LTBP1: variants seen among roughly 807,000 people sequenced by gnomAD.
The protein encoded by LTBP1 is latent-transforming growth factor beta-binding protein 1.
LTBP1 carries 129 observed loss-of-function variants against 207.6 expected under a neutral mutation model. That is an observed-to-expected ratio of 0.62 (90% CI 0.54 to 0.72). The LOEUF is 0.72. Ranked by LOEUF, LTBP1 falls within the 30% of genes least tolerant of loss-of-function variation. The pLI, the probability that LTBP1 is intolerant of heterozygous loss-of-function variation, is 0.00. For synonymous variants in LTBP1, 963 were observed against 833.7 expected, an observed-to-expected ratio of 1.16 and a Z score of -2.67; for missense variants, 2,281 against 2,217.2, an observed-to-expected ratio of 1.03 and a Z score of -0.58.
At position 32,947,871 on chromosome 2, in the gene LTBP1, G is replaced by A. The variant is rs1021316223; in HGVS notation, c.494+53G>A. 8.7e-6 allele frequency: 11 copies of A among 1,267,404 alleles called. No homozygotes were observed. The African/African-American group carries it at 1.7e-4, about 20-fold the overall frequency. 78.5% of individuals were successfully genotyped at this position (1,267,404 alleles called of 1,614,324 possible). A position where few individuals can be genotyped will look rare whatever the true frequency, so the allele number is the denominator to read the frequency against. ...CGCCCGCCTCGCGCGCACCGCCCGC[G>A]GAGGGACCTGCGGGGTCAGGGCCAC... On this transcript the variant is annotated intron_variant, in intron 1 of 33. Transcript: ENST00000404816.
rs1367317784 is a variant in LTBP1, at chr2:33,110,485, T to A, written c.864-97T>A. On this transcript the variant is annotated intron_variant, in intron 3 of 33. Coordinates refer to ENST00000404816, the MANE Select transcript of LTBP1 (RefSeq NM_206943.4). ...AATGAGCCTTGCTTGGAATTGATGC[T>A]CCTTTCTACATTTAACTCGTTGCTT... The A allele has an allele frequency of 6.4e-6, 7 of 1,094,818 alleles. No individual in the cohort carries two copies. In the African/African-American group the frequency reaches 9.4e-5, roughly 15 times the overall value. The allele number at this position is 1,094,818 out of a possible 1,614,324, so 67.8% of individuals were successfully genotyped here.
chr2:33,206,983 C>G (rs1325728070), intron 7 of LTBP1, among the ~76,000 whole-genome samples: 2 of 152,112 alleles, frequency 1.3e-5, no homozygotes, highest in Non-Finnish European at 2.9e-5. Flanking sequence ...GAAAGGCTAA[C>G]AGGAATTATG....
chr2:33,293,695 G>A (rs2093818714), intron 20 of LTBP1, among the ~76,000 whole-genome samples: 2 of 152,038 alleles, frequency 1.3e-5, no homozygotes, highest in Admixed American at 6.5e-5. Flanking sequence ...AGAAAATTTA[G>A]CAAATAGAGA....
At chr2:33,376,051 TATTA>T (rs2095136375) in intron 31 of LTBP1, among the ~76,000 whole-genome samples, 1 of 152,222 alleles carries the variant, frequency 6.6e-6, no homozygotes, top group African/African-American at 2.4e-5. Context: ...ATATAAATTC[TATTA>T]ATTAAAATTT....
chr2:32,983,717 C>T (rs1683117443), intron 2 of LTBP1, among the ~76,000 whole-genome samples: 2 of 152,230 alleles, frequency 1.3e-5, no homozygotes, highest in Non-Finnish European at 2.9e-5. Context: ...CCTGCACACA[C>T]TCTCATGCCT....
At chr2:33,282,934 G>A (rs1429469703) in intron 19 of LTBP1, among the ~76,000 whole-genome samples, 1 of 151,902 alleles carries the variant, frequency 6.6e-6, no homozygotes, top group South Asian at 2.1e-4. Context: ...GTGGTGGCAC[G>A]CGCCTATAAT....
intron 19 of LTBP1, among the ~76,000 whole-genome samples, chr2:33,281,895 A>C (rs908510640): frequency 2.0e-5 from 3 of 152,128 alleles, no homozygotes; most frequent in African/African-American, 4.8e-5. Flanking sequence ...CCTGATAAAT[A>C]ATCCAGGAGC....
intron 5 of LTBP1, among the ~76,000 whole-genome samples, chr2:33,149,440 T>A (rs1016166740): frequency 2.0e-5 from 3 of 152,148 alleles, no homozygotes; most frequent in African/African-American, 7.2e-5. Flanking sequence ...ATCTCAAGAT[T>A]GTTCTGTAGA....
rs138279933 is a variant in LTBP1, at chr2:33,000,618, C to T, written c.566-20291C>T. On this transcript the variant is annotated intron_variant, in intron 2 of 33. Transcript: ENST00000404816. Reference sequence around the variant, plus strand: ...GTGTAAGGCGGTCTCCTGTGCAGCCCGCCGCCACTGGACTGTCTCCTGTCT... The same window carrying T: ...GTGTAAGGCGGTCTCCTGTGCAGCCTGCCGCCACTGGACTGTCTCCTGTCT... Among the ~76,000 whole-genome samples the T allele has an allele frequency of 1.4e-3, 189 of 135,508 alleles. 31 individuals carry two copies. The highest frequency in any genetic ancestry group is 4.3e-3 in the African/African-American group (167 of 39,002). 88.9% of individuals were successfully genotyped at this position (135,508 alleles called of 152,430 possible).
chr2:33,269,318 T>C lies in LTBP1; in HGVS notation c.2618-4338T>C, dbSNP rs2093263087. Among the ~76,000 whole-genome samples, 4 of 152,358 alleles carry C rather than the reference T, an allele frequency of 2.6e-5. No homozygotes were observed. The South Asian group carries it at 6.2e-4, about 24-fold the overall frequency. On this transcript the variant is annotated intron_variant, in intron 15 of 33. Transcript: ENST00000404816. ...GTTTTCCATCACTGGCTTTCTGTCA[T>C]GGCCCTTTTTCCATATTCTAGATGG... is the stretch of plus-strand genomic sequence containing the variant.
At chr2:32,985,435 A>T (rs1683403434) in intron 2 of LTBP1, among the ~76,000 whole-genome samples, 1 of 152,194 alleles carries the variant, frequency 6.6e-6, no homozygotes, top group Admixed American at 6.5e-5. Flanking sequence ...AGTCAGGCCC[A>T]AAGACAGCAC....
At chr2:33,316,702 A>G (rs577212286) in intron 24 of LTBP1, among the ~76,000 whole-genome samples, 42 of 152,300 alleles carry the variant, frequency 2.8e-4, no homozygotes, top group Admixed American at 8.5e-4. Context: ...TGTAAATTTT[A>G]TATTTGGGGC....
At chr2:33,029,866 G>C (rs1345918206) in intron 3 of LTBP1, among the ~76,000 whole-genome samples, 2 of 152,160 alleles carry the variant, frequency 1.3e-5, no homozygotes, top group Non-Finnish European at 2.9e-5. Context: ...ACCAGAAATT[G>C]TTTATTTTCA....
intron 26 of LTBP1, among the ~76,000 whole-genome samples, chr2:33,359,657 G>A (rs1296334350): frequency 6.6e-6 from 1 of 152,142 alleles, no homozygotes; most frequent in African/African-American, 2.4e-5. Flanking sequence ...CTTATTTGAT[G>A]TGGCATTAAA....
chr2:33,323,717 C>G (rs1398260122), intron 24 of LTBP1, among the ~76,000 whole-genome samples: 1 of 152,188 alleles, frequency 6.6e-6, no homozygotes, highest in Non-Finnish European at 1.5e-5. Flanking sequence ...ACGCATTTGG[C>G]AAATGAATCA....
intron 24 of LTBP1, among the ~76,000 whole-genome samples, chr2:33,319,948 GATAT>G (rs1451659853): frequency 6.6e-6 from 1 of 152,186 alleles, no homozygotes; most frequent in Non-Finnish European, 1.5e-5. Flanking sequence ...TCGTTTGACA[GATAT>G]TTATTAAGTG....
chr2:33,205,270 T>C (rs2089756320), intron 7 of LTBP1, among the ~76,000 whole-genome samples: 1 of 152,254 alleles, frequency 6.6e-6, no homozygotes, highest in South Asian at 2.1e-4. Context: ...GCATTTAGAA[T>C]CTAATCAGAC....
chr2:33,397,414 T>G (rs2095368731), intron 33 of LTBP1, 132 bp downstream of exon 33: 1 of 856,024 alleles, frequency 1.2e-6, no homozygotes, highest in Admixed American at 2.3e-5. Context: ...GAGATGTACA[T>G]TAAGTACAGT....
At chr2:33,396,690 C>A (rs561403072) in intron 32 of LTBP1, among the ~76,000 whole-genome samples, 22 of 152,282 alleles carry the variant, frequency 1.4e-4, no homozygotes, top group African/African-American at 5.1e-4. Context: ...TTACAAACGC[C>A]GGCTGAAAAC....
Sources: allele counts gnomAD v4.1 joint callset (sites outside exome capture counted in the v4.1 genomes callset), GRCh38; gene constraint gnomAD v4.1.1; transcripts MANE v1.5; gene names NCBI Gene and HGNC (gene_info 2026-07-23, HGNC 2026-07-21).